Variants in EIF2B3 observed in about 807,000 individuals in gnomAD.
EIF2B3 encodes the protein translation initiation factor eIF2B subunit gamma.
Under a neutral mutation model 54.1 loss-of-function variants are expected in EIF2B3, and 20 were observed. The ratio of observed to expected loss-of-function variants is 0.37; its 90% CI spans 0.26 to 0.54. The LOEUF (loss-of-function observed/expected upper bound fraction) is 0.54, where lower values mean the gene tolerates loss of function less well. EIF2B3 is among the 20% of genes least tolerant of loss of function. The pLI is 0.86. For synonymous variants in EIF2B3, 153 were observed against 188.1 expected, an observed-to-expected ratio of 0.81 and a Z score of 1.52; for missense variants, 448 against 547.8, an observed-to-expected ratio of 0.82 and a Z score of 1.82.
At chr1:44,965,992 A>G (rs546354) in intron 3 of EIF2B3, among the ~76,000 whole-genome samples, 38,295 of 151,830 alleles carry the variant, frequency 0.25, 6,072 homozygotes, top group African/African-American at 0.46. Flanking sequence ...GCGTAGTTAA[A>G]AGCATAGCCT....
intron 5 of EIF2B3, among the ~76,000 whole-genome samples, chr1:44,906,858 C>T (rs1165418421): frequency 2.6e-5 from 4 of 152,170 alleles, no homozygotes; most frequent in Non-Finnish European, 5.9e-5. Context: ...ATAGTCCTAT[C>T]CTCTGAACAC....
chr1:44,933,561 T>C (rs1479601653), intron 4 of EIF2B3, among the ~76,000 whole-genome samples: 3 of 152,018 alleles, frequency 2.0e-5, no homozygotes, highest in Non-Finnish European at 4.4e-5. Flanking sequence ...ATAGATAGGG[T>C]GAGGGGCTGC....
At chr1:44,874,440 T>C in intron 10 of EIF2B3, 1 of 527,446 alleles carries the variant, frequency 1.9e-6, no homozygotes. Flanking sequence ...GCCCTTTTTC[T>C]GAGTTGAATC....
At chr1:44,933,018 G>C (rs1643911035) in intron 4 of EIF2B3, among the ~76,000 whole-genome samples, 1 of 152,228 alleles carries the variant, frequency 6.6e-6, no homozygotes, top group Non-Finnish European at 1.5e-5. Context: ...CAGCTCTACA[G>C]CAGGGCAACT....
At chr1:44,953,987 C>G (rs1405951044) in intron 3 of EIF2B3, among the ~76,000 whole-genome samples, 7 of 151,974 alleles carry the variant, frequency 4.6e-5, no homozygotes, top group African/African-American at 1.7e-4. Context: ...TTTTAAAAAG[C>G]AAAGATATAC....
At chr1:44,947,880 C>CA (rs943801073) in intron 3 of EIF2B3, among the ~76,000 whole-genome samples, 13 of 151,026 alleles carry the variant, frequency 8.6e-5, no homozygotes, top group Admixed American at 7.3e-4. Flanking sequence ...CTTTTCTTTT[C>CA]TTTTTTTTTA....
intron 5 of EIF2B3, among the ~76,000 whole-genome samples, chr1:44,926,412 G>A (rs1256176820): frequency 6.6e-6 from 1 of 151,778 alleles, no homozygotes; most frequent in Non-Finnish European, 1.5e-5. Flanking sequence ...TTACTCTTTT[G>A]CAGGATTTGG....
At chr1:44,861,810 G>A (rs935837771) in intron 10 of EIF2B3, among the ~76,000 whole-genome samples, 1 of 152,164 alleles carries the variant, frequency 6.6e-6, no homozygotes, top group African/African-American at 2.4e-5. Context: ...GGAAGGCTTT[G>A]AGATGAATAC....
intron 3 of EIF2B3, among the ~76,000 whole-genome samples, chr1:44,971,372 GA>G (rs35558705): frequency 0.52 from 60,984 of 117,944 alleles, 13,844 homozygotes; most frequent in African/African-American, 0.64. Context: ...TCCGTCTCCA[GA>G]AAAAAAAAAA....
At chr1:44,935,006 G>A (rs1643932692) in intron 4 of EIF2B3, among the ~76,000 whole-genome samples, 1 of 152,222 alleles carries the variant, frequency 6.6e-6, no homozygotes, top group Non-Finnish European at 1.5e-5. Context: ...AGAGGTGACA[G>A]CCAAGTAAGA....
chr1:44,906,334 G>C (rs1482074704), intron 5 of EIF2B3, among the ~76,000 whole-genome samples: 1 of 152,160 alleles, frequency 6.6e-6, no homozygotes. Context: ...AGATGGTCAC[G>C]GCAAAGGTTC....
rs548390632 is a variant in EIF2B3 at position 44,908,478 on chromosome 1, A to T, written c.567-11034T>A. On this transcript the variant is annotated intron_variant, in intron 5 of 11. Transcript: ENST00000360403. ...AGAGAAGAGTAACTTTGGCTGAAGG[A>T]TTACCAGGAACGGTGAAAAGTAAAA... 2.0e-5 allele frequency among the ~76,000 whole-genome samples: 3 copies of T among 152,338 alleles called. No homozygotes were observed. In the East Asian group the frequency reaches 5.8e-4, roughly 29 times the overall value.
intron 6 of EIF2B3, among the ~76,000 whole-genome samples, chr1:44,889,229 A>G (rs1172862996): frequency 2.0e-5 from 3 of 152,232 alleles, no homozygotes; most frequent in Admixed American, 6.5e-5. Context: ...AAGAAATTTA[A>G]AAGTGCTTTT....
intron 3 of EIF2B3, among the ~76,000 whole-genome samples, chr1:44,941,920 G>A (rs1403862133): frequency 6.6e-6 from 1 of 152,054 alleles, no homozygotes; most frequent in African/African-American, 2.4e-5. Flanking sequence ...TGGAACCCTA[G>A]GTTCTAAGAA....
intron 3 of EIF2B3, among the ~76,000 whole-genome samples, chr1:44,954,689 C>CAGGA (rs1644203692): frequency 6.6e-6 from 1 of 152,180 alleles, no homozygotes; most frequent in African/African-American, 2.4e-5. Flanking sequence ...ATTTGACTTC[C>CAGGA]TCTCTTCCTA....
intron 3 of EIF2B3, among the ~76,000 whole-genome samples, chr1:44,952,795 G>A (rs1312653476): frequency 5.3e-5 from 8 of 150,600 alleles, no homozygotes; most frequent in Admixed American, 6.6e-5. Context: ...CTCGTGATCC[G>A]CCCGCCTCGG....
In EIF2B3 at chr1:44,933,495, A is replaced by G. The variant is rs180905266; in HGVS notation, c.455-6756T>C. Among the ~76,000 whole-genome samples, 98 of 152,304 alleles carry G rather than the reference A, an allele frequency of 6.4e-4. 1 individual carries two copies. The highest frequency in any genetic ancestry group is 4.8e-3 in the Admixed American group (73 of 15,298). ...GCACGTTATTTGGAGATATGGAGTTAAATGCCAAAAAATTAGCTGAAAATG... is the reference window on the plus strand; with the variant it reads ...GCACGTTATTTGGAGATATGGAGTTGAATGCCAAAAAATTAGCTGAAAATG... On this transcript the variant is annotated intron_variant, in intron 4 of 11. Coordinates refer to ENST00000360403, the MANE Select transcript of EIF2B3 (RefSeq NM_020365.5).
chr1:44,914,736 C>T (rs1321533268), intron 5 of EIF2B3, among the ~76,000 whole-genome samples: 2 of 151,764 alleles, frequency 1.3e-5, no homozygotes, highest in African/African-American at 2.4e-5. Context: ...TCACCCAGGC[C>T]GGAGTGCAGT....
At chr1:44,910,922 A>G (rs529279447) in intron 5 of EIF2B3, among the ~76,000 whole-genome samples, 10 of 152,018 alleles carry the variant, frequency 6.6e-5, no homozygotes, top group African/African-American at 2.4e-4. Context: ...TTCAGTGGTA[A>G]TCTGAGATTT....
Sources: allele counts gnomAD v4.1 joint callset (sites outside exome capture counted in the v4.1 genomes callset), GRCh38; gene constraint gnomAD v4.1.1; transcripts MANE v1.5; gene names NCBI Gene and HGNC (gene_info 2026-07-23, HGNC 2026-07-21).